Variants in ASAH1 observed in about 807,000 individuals in gnomAD.
ASAH1 encodes the protein N-acylsphingosine amidohydrolase 1.
ASAH1 carries 70 observed loss-of-function variants against 59.5 expected under a neutral mutation model. The observed-to-expected ratio is 1.18, with a 90% CI of 0.97 to 1.43. ASAH1 has a LOEUF of 1.43. ASAH1 is among the 40% of genes most tolerant of loss of function. The pLI is 0.00. For synonymous variants in ASAH1, 213 were observed against 166.5 expected (o/e 1.28, Z -2.15); for missense variants, 660 against 482.5 (o/e 1.37, Z -3.45).
chr8:18,084,785 C>A (rs777006808), upstream of ASAH1: 2 of 1,613,666 alleles, frequency 1.2e-6, no homozygotes, highest in Non-Finnish European at 1.7e-6. Context: ...CTCTCCCAGC[C>A]CGATGCAGCA....
chr8:18,069,531 C>A, intron 4 of ASAH1: 3 of 388,592 alleles, frequency 7.7e-6, no homozygotes, highest in Non-Finnish European at 1.4e-5. Flanking sequence ...AAGGAAATAC[C>A]ACACTCCCAG....
Position 18,067,297 on chromosome 8 carries a change from G to C in ASAH1, c.305C>G (p.Pro102Arg). 2 of 1,582,076 alleles carry C rather than the reference G, an allele frequency of 1.3e-6. No individual in the cohort carries two copies. The highest frequency in any genetic ancestry group is 1.7e-6 in the Non-Finnish European group (2 of 1,163,406). ...GCCAGGAAAGTTGCCAAGTAGGCCA[G>C]GCTGGAAAACAAATATATTAATAAA... Reference protein sequence around the residue: ...KIMQVVDEKLPGLLGNFPGPF... With the variant: ...KIMQVVDEKLRGLLGNFPGPF... Residue 102 changes from proline to arginine, a missense_variant and splice_region_variant, in exon 5 of 14, where the codon CCT becomes CGT. By Grantham distance (103) the Pro-to-Arg change is moderately radical (BLOSUM62 -2). Coordinates refer to ENST00000637790, the MANE Select transcript of ASAH1 (RefSeq NM_177924.5).
At chr8:18,060,026 C>G (rs1459091450) in intron 10 of ASAH1, 2 of 283,744 alleles carry the variant, frequency 7.0e-6, no homozygotes, top group South Asian at 3.7e-5. Flanking sequence ...TGAGAACATG[C>G]AGTGTTCGGT....
rs1019450405 is a variant in ASAH1, at chr8:18,061,376, C to T, written c.785+1G>A. 3 of 1,608,382 alleles carry T rather than the reference C, an allele frequency of 1.9e-6. No homozygotes were observed. The highest frequency in any genetic ancestry group is 1.3e-5 in the African/African-American group (1 of 74,940). ...AATAGTAAAGCAACGAAACACTTTA[C>T]CTTGTGCTATTTTCCAGAACTGTTC... On this transcript the variant is annotated splice_donor_variant, in intron 10 of 13. Coordinates refer to ENST00000637790, the MANE Select transcript of ASAH1 (RefSeq NM_177924.5). LOFTEE classifies it high-confidence loss of function.
In ASAH1 at chr8:18,063,168, C is replaced by T. The variant is rs770701839; in HGVS notation, c.503+17G>A. On this transcript the variant is annotated intron_variant, in intron 7 of 13. Transcript: ENST00000637790. ...CAGGCGTGAACCACCATGCCTGACC[C>T]TTTGTTCTTTACTTACCCAAGAAAT... 6.2e-7 allele frequency: 1 copy of T among 1,613,204 alleles called. No individual in the cohort carries two copies. Among genetic ancestry groups the T allele is most frequent in the Non-Finnish European group, 8.5e-7 (1 of 1,179,278 alleles).
rs376831762 is a variant in ASAH1, at chr8:18,057,544, A to C, written c.1178T>G (p.Ile393Arg). ...TYLRDCPDPCIGW is the reference protein window; with the variant it reads ...TYLRDCPDPCRGW Reference sequence around the variant, plus strand: ...AGGCCAGACGTGTGCTCACCAACCTATACAAGGGTCAGGGCAGTCCCGCAG... The same window carrying C: ...AGGCCAGACGTGTGCTCACCAACCTCTACAAGGGTCAGGGCAGTCCCGCAG... The change falls in exon 14 of 14, where the codon ATA becomes AGA. Residue 393 changes from isoleucine (I) to arginine (R), a missense_variant. Transcript: ENST00000637790. 6.3e-7 allele frequency: 1 copy of C among 1,599,034 alleles called. No individual in the cohort carries two copies. Among genetic ancestry groups the C allele is most frequent in the African/African-American group, 1.3e-5 (1 of 74,662 alleles).
intron 2 of ASAH1, among the ~76,000 whole-genome samples, chr8:18,075,287 C>A (rs1800355981): frequency 6.6e-6 from 1 of 152,204 alleles, no homozygotes; most frequent in Non-Finnish European, 1.5e-5. Context: ...GCCACCGCGT[C>A]TGGCTGAAAA....
intron 1 of ASAH1, among the ~76,000 whole-genome samples, chr8:18,077,139 C>A (rs1800436589): frequency 6.6e-6 from 1 of 151,554 alleles, no homozygotes; most frequent in Non-Finnish European, 1.5e-5. Context: ...ATCAGGATAT[C>A]CGGCCTCTAT....
At chr8:18,066,830 T>C (rs1309650953) in intron 5 of ASAH1, 5 of 246,366 alleles carry the variant, frequency 2.0e-5, no homozygotes. Context: ...AAATACCCTG[T>C]TGATACAATA....
intron 1 of ASAH1, among the ~76,000 whole-genome samples, chr8:18,080,193 C>T (rs575662006): frequency 1.3e-5 from 2 of 152,208 alleles, no homozygotes; most frequent in South Asian, 2.1e-4. Context: ...AAAGCTGATT[C>T]AATAGCTAAT....
At chr8:18,067,046 C>T in intron 5 of ASAH1, 174 bp downstream of exon 5, 1 of 491,406 alleles carries the variant, frequency 2.0e-6, no homozygotes, top group Non-Finnish European at 3.6e-6. Flanking sequence ...TGAGTCATGG[C>T]TACATGCATG....
chr8:18,064,167 T>C (rs1336517761), intron 6 of ASAH1: 2 of 550,258 alleles, frequency 3.6e-6, no homozygotes, highest in Non-Finnish European at 6.4e-6. Flanking sequence ...CATCAAAGCA[T>C]GTAGATGGGT....
chr8:18,056,792 G>C lies in ASAH1; in HGVS notation c.*742C>G, dbSNP rs1392514066. The C allele has an allele frequency of 6.6e-6, 1 of 150,978 alleles. No homozygotes were observed. Among genetic ancestry groups the C allele is most frequent in the Non-Finnish European group, 1.5e-5 (1 of 68,008 alleles). 9.4% of individuals were successfully genotyped at this position (150,978 alleles called of 1,614,324 possible). ...GACTTGTTTATTTACTAAATTAACA[G>C]AACGTGGGATGCAGTTTTTTAAGTT... On this transcript the variant is annotated 3_prime_UTR_variant, in exon 14 of 14. Coordinates refer to ENST00000637790, the MANE Select transcript of ASAH1 (RefSeq NM_177924.5).
chr8:18,072,021 CT>C (rs1224752345), intron 2 of ASAH1, among the ~76,000 whole-genome samples: 1 of 152,248 alleles, frequency 6.6e-6, no homozygotes, highest in Non-Finnish European at 1.5e-5. Flanking sequence ...ACTTCCTACT[CT>C]TTAACTTACG....
intron 1 of ASAH1, 26 bp downstream of exon 1, chr8:18,083,955 C>G: frequency 6.3e-7 from 1 of 1,593,302 alleles, no homozygotes; most frequent in Non-Finnish European, 8.5e-7. Flanking sequence ...ACGCCCCTCT[C>G]TGCGCCTCGG....
At chr8:18,069,409 C>A in intron 4 of ASAH1, 1 of 199,128 alleles carries the variant, frequency 5.0e-6, no homozygotes. Flanking sequence ...GAATAAGGGG[C>A]CAGGCTGAGT....
rs543859730 is a variant in ASAH1 at position 18,061,564 on chromosome 8, G to A, written c.704-106C>T. 45 of 1,445,220 alleles carry A rather than the reference G, an allele frequency of 3.1e-5. No homozygotes were observed. The South Asian group carries it at 5.2e-4, about 17-fold the overall frequency. The allele number at this position is 1,445,220 out of a possible 1,614,324, so 89.5% of individuals were successfully genotyped here. On this transcript the variant is annotated intron_variant, in intron 9 of 13. Transcript: ENST00000637790. ...TATAACCAGTCAGGAACCAGAAGAG[G>A]TTAGACTTTGTAACCAGTCGGGAAC...
chr8:18,083,659 C>T (rs1284249524), intron 1 of ASAH1, among the ~76,000 whole-genome samples: 5 of 152,254 alleles, frequency 3.3e-5, no homozygotes, highest in Non-Finnish European at 7.3e-5. Flanking sequence ...TTTATTTAAA[C>T]ACTTCAAAAT....
chr8:18,059,719 TA>T lies in ASAH1; in HGVS notation c.786-17del. 1 of 1,591,522 alleles carries T rather than the reference TA, an allele frequency of 6.3e-7. No homozygotes were observed. Among genetic ancestry groups the T allele is most frequent in the East Asian group, 2.3e-5 (1 of 44,188 alleles). On this transcript the variant is annotated splice_polypyrimidine_tract_variant and intron_variant, in intron 10 of 13. Transcript: ENST00000637790. The stretch of plus-strand genomic sequence containing the variant: ...TTCTTCATAACTATATAGAAACATT[TA>T]AAAAGAAAAATGAAACTTTTTTTTA...
Sources: gnomAD v4.1 joint callset for allele counts (sites outside exome capture counted in the v4.1 genomes callset) on GRCh38, gnomAD v4.1.1 for gene constraint, MANE v1.5 for transcripts, NCBI Gene and HGNC (gene_info 2026-07-23, HGNC 2026-07-21) for gene names.